The following MSR1 variants were observed in gnomAD, a reference collection of about 807,000 sequenced individuals.
The protein encoded by MSR1 is macrophage scavenger receptor 1.
MSR1 carries 53 observed loss-of-function variants against 47.2 expected under a neutral mutation model. The ratio of observed to expected loss-of-function variants is 1.12; its 90% confidence interval spans 0.90 to 1.41. The LOEUF (loss-of-function observed/expected upper bound fraction) is 1.41, where lower values mean the gene tolerates loss of function less well. Among genes scored for constraint, MSR1 ranks in the 40% most tolerant of loss-of-function variants. The pLI, the probability that MSR1 is intolerant of heterozygous loss-of-function variation, is 0.00. For missense variants in MSR1, 786 were observed against 546.9 expected (o/e 1.44, Z -4.36); for synonymous variants, 239 against 185.6 (o/e 1.29, Z -2.34).
In MSR1 at chr8:16,140,407, G is replaced by T. The variant is rs1034650517; in HGVS notation, c.1033+3151C>A. ...AGTAAAAATCAAATGAAAAACAAAT[G>T]GATTTTTCCTATCATTGTATGAGTT... On this transcript the variant is annotated intron_variant, in intron 8 of 9. Transcript: ENST00000262101. 7.1e-6 allele frequency: 7 copies of T among 985,172 alleles called. No individual in the cohort carries two copies. In the East Asian group the frequency reaches 3.4e-4, roughly 48 times the overall value. The allele number at this position is 985,172 out of a possible 1,614,324, so 61.0% of individuals were successfully genotyped here. A position where few individuals can be genotyped will look rare whatever the true frequency, so the allele number is the denominator to read the frequency against.
chr8:16,178,209 C>G (rs1047472589), intron 1 of MSR1, among the ~76,000 whole-genome samples: 7 of 151,646 alleles, frequency 4.6e-5, no homozygotes, highest in Non-Finnish European at 1.0e-4. Context: ...CCCACAAACT[C>G]GTCATCTAAC....
chr8:16,110,378 C>A (rs1799730835), intron 9 of MSR1, among the ~76,000 whole-genome samples, 160 bp from the exon 10 acceptor site: 1 of 152,058 alleles, frequency 6.6e-6, no homozygotes, highest in African/African-American at 2.4e-5. Context: ...AAATTAATCT[C>A]CTGCTTCAGA....
At chr8:16,169,342 A>G (rs902440573) in intron 3 of MSR1, among the ~76,000 whole-genome samples, 1 of 152,208 alleles carries the variant, frequency 6.6e-6, no homozygotes, top group African/African-American at 2.4e-5. Context: ...GGTGTCATGC[A>G]TAATATGGAT....
intron 8 of MSR1, chr8:16,140,196 A>T (rs77598698): frequency 0.058 from 57,283 of 984,640 alleles, 2,472 homozygotes; most frequent in East Asian, 0.34. Flanking sequence ...TTCTCCTAGA[A>T]CCCAATAAAT....
At chr8:16,165,967 T>G (rs34172734) in intron 4 of MSR1, among the ~76,000 whole-genome samples, 1,912 of 152,186 alleles carry the variant, frequency 0.013, 42 homozygotes, top group African/African-American at 0.044. Flanking sequence ...ATAGTGAGCA[T>G]GGATGTTTGT....
At chr8:16,112,777 A>G (rs1799786852) in intron 9 of MSR1, among the ~76,000 whole-genome samples, 1 of 151,886 alleles carries the variant, frequency 6.6e-6, no homozygotes, top group African/African-American at 2.4e-5. Context: ...GGAAAGCTAT[A>G]CAAAAATTAC....
intron 1 of MSR1, among the ~76,000 whole-genome samples, chr8:16,185,632 T>A (rs193284356): frequency 6.6e-6 from 1 of 152,186 alleles, no homozygotes; most frequent in African/African-American, 2.4e-5. Flanking sequence ...CTGATTTCCT[T>A]TGATCCATTC....
At chr8:16,179,642 G>A (rs1169282421) in intron 1 of MSR1, among the ~76,000 whole-genome samples, 1 of 152,066 alleles carries the variant, frequency 6.6e-6, no homozygotes, top group Non-Finnish European at 1.5e-5. Context: ...CACTTTGGGA[G>A]GCTGAGATGG....
intron 1 of MSR1, among the ~76,000 whole-genome samples, chr8:16,188,686 G>C (rs548777541): frequency 6.6e-6 from 1 of 151,648 alleles, no homozygotes; most frequent in Non-Finnish European, 1.5e-5. Flanking sequence ...GACAGGCCCC[G>C]GTGTGTGATG....
rs1319034547 is a variant in MSR1, at chr8:16,189,532, ATATATATTT to A, written c.-5+3057_-5+3065del. Among the ~76,000 whole-genome samples the A allele has an allele frequency of 6.7e-5, 6 of 89,136 alleles. 1 individual carries two copies. Among genetic ancestry groups the A allele is most frequent in the Middle Eastern group, 0.014 (1 of 74 alleles). 58.5% of individuals were successfully genotyped at this position (89,136 alleles called of 152,430 possible). ...TTTTATATATAAAAAATCATATTTT[ATATATATTT>A]TATATATTTTATATATATGAAATCT... On this transcript the variant is annotated intron_variant, in intron 1 of 9. Coordinates refer to ENST00000262101, the MANE Select transcript of MSR1 (RefSeq NM_138715.3).
intron 8 of MSR1, among the ~76,000 whole-genome samples, chr8:16,137,866 C>T (rs934735781): frequency 1.3e-5 from 2 of 151,582 alleles, no homozygotes; most frequent in Non-Finnish European, 2.9e-5. Context: ...GTGGTGTGTG[C>T]CTAAAGTCCT....
At chr8:16,186,370 T>C (rs1802000270) in intron 1 of MSR1, 4 of 619,382 alleles carry the variant, frequency 6.5e-6, no homozygotes, top group Non-Finnish European at 1.1e-5. Context: ...AGAAGGCTGA[T>C]GACTCTTAAG....
At chr8:16,166,611 C>T (rs955123259) in intron 4 of MSR1, among the ~76,000 whole-genome samples, 1 of 152,088 alleles carries the variant, frequency 6.6e-6, no homozygotes, top group African/African-American at 2.4e-5. Context: ...CCTCCACATG[C>T]TACCACCAGT....
chr8:16,149,273 A>G, intron 7 of MSR1, among the ~76,000 whole-genome samples: 1 of 152,130 alleles, frequency 6.6e-6, no homozygotes, highest in South Asian at 2.1e-4. Flanking sequence ...CCATGTGTGC[A>G]TGGGTGGTTT....
chr8:16,137,200 T>A (rs190035127), intron 8 of MSR1, among the ~76,000 whole-genome samples: 10 of 152,242 alleles, frequency 6.6e-5, no homozygotes, highest in Non-Finnish European at 1.0e-4. Context: ...TAATGGAAGC[T>A]TTGTGAGCAT....
chr8:16,121,410 T>C (rs548603823), intron 8 of MSR1, among the ~76,000 whole-genome samples: 4 of 152,170 alleles, frequency 2.6e-5, no homozygotes, highest in African/African-American at 9.6e-5. Flanking sequence ...TTTACATAAA[T>C]ATGAAATGGC....
intron 2 of MSR1, among the ~76,000 whole-genome samples, chr8:16,176,091 G>C (rs1006212829): frequency 2.6e-5 from 4 of 152,140 alleles, no homozygotes; most frequent in Non-Finnish European, 4.4e-5. Context: ...TATGGTCATT[G>C]CTTTCATTGA....
At chr8:16,138,308 G>A (rs528947867) in intron 8 of MSR1, among the ~76,000 whole-genome samples, 48 of 152,222 alleles carry the variant, frequency 3.2e-4, no homozygotes, top group African/African-American at 1.1e-3. Flanking sequence ...GAATCATTTC[G>A]TGTGACTGAA....
chr8:16,182,459 T>G (rs1801861425), intron 1 of MSR1, among the ~76,000 whole-genome samples: 1 of 152,156 alleles, frequency 6.6e-6, no homozygotes, highest in African/African-American at 2.4e-5. Context: ...TTAAACAACA[T>G]TTTTACTCTT....
Sources: gnomAD v4.1 joint callset for allele counts (sites outside exome capture counted in the v4.1 genomes callset) on GRCh38, gnomAD v4.1.1 for gene constraint, MANE v1.5 for transcripts, NCBI Gene and HGNC (gene_info 2026-07-23, HGNC 2026-07-21) for gene names.